Variants in ALK observed in about 807,000 individuals in gnomAD.
ALK encodes ALK receptor tyrosine kinase, also known as ALK tyrosine kinase receptor.
Under a neutral mutation model 163.1 loss-of-function variants are expected in ALK, and 74 were observed. That is an observed-to-expected ratio of 0.45 (90% CI 0.38 to 0.55). The LOEUF is 0.55. Ranked by LOEUF, ALK falls within the 20% of genes least tolerant of loss-of-function variation. The pLI is 0.00. For synonymous variants in ALK, 960 were observed against 843.2 expected, an observed-to-expected ratio of 1.14 and a Z score of -2.40; for missense variants, 2,063 against 2,105.3, an observed-to-expected ratio of 0.98 and a Z score of 0.39.
chr2:29,920,086 C>T lies in ALK; in HGVS notation c.574G>A (p.Glu192Lys), dbSNP rs770006984. The stretch of plus-strand genomic sequence containing the variant: ...CTGCCCACTTCCGACGCCTTCTTCT[C>T]GGGCATCAGGCGGATCCTCAGTCGC... ...EGRLRIRLMPEKKASEVGREG... is the reference protein window; with the variant it reads ...EGRLRIRLMPKKKASEVGREG... The change falls in exon 1 of 29, where the codon GAG (glutamate) becomes AAG (lysine). Residue 192 changes from glutamate to lysine, a missense_variant. By Grantham distance (56) the Glu-to-Lys change is moderately conservative. Transcript: ENST00000389048. The T allele has an allele frequency of 5.6e-6, 9 of 1,614,192 alleles. No individual in the cohort carries two copies. The highest frequency in any genetic ancestry group is 3.3e-5 in the Admixed American group (2 of 60,034).
intron 4 of ALK, among the ~76,000 whole-genome samples, chr2:29,487,747 A>G (rs747194641): frequency 5.3e-5 from 8 of 152,138 alleles, no homozygotes; most frequent in Non-Finnish European, 1.0e-4. Context: ...AGTATTAAAC[A>G]TTACTTCATT....
rs140461526 is a variant in ALK, at chr2:29,307,177, C to T, written c.1648-10120G>A. Among the ~76,000 whole-genome samples the T allele has an allele frequency of 1.3e-4, 20 of 152,332 alleles. 1 individual carries two copies. The East Asian group carries it at 3.5e-3, about 26-fold the overall frequency. ...GGCAGCTTCAGGACAATCCCTTCAA[C>T]CCACAGAAAATACTGTGTGTTCAAA... On this transcript the variant is annotated intron_variant, in intron 8 of 28. Transcript: ENST00000389048.
chr2:29,875,230 A>C (rs1666674287), intron 1 of ALK, among the ~76,000 whole-genome samples: 1 of 152,178 alleles, frequency 6.6e-6, no homozygotes, highest in South Asian at 2.1e-4. Flanking sequence ...TAGAGACAGA[A>C]AGTAGACTAG....
chr2:29,777,774 G>T (rs1054283921), intron 1 of ALK, among the ~76,000 whole-genome samples: 1 of 152,132 alleles, frequency 6.6e-6, no homozygotes, highest in African/African-American at 2.4e-5. Context: ...CCAAGATGAT[G>T]CTATTTCTGG....
intron 4 of ALK, among the ~76,000 whole-genome samples, chr2:29,439,956 G>T (rs924044998): frequency 7.9e-5 from 12 of 152,160 alleles, no homozygotes; most frequent in African/African-American, 2.7e-4. Flanking sequence ...CTTTGGCCGG[G>T]CATGGTGGCT....
At chr2:29,555,441 T>C (rs1270233626) in intron 3 of ALK, among the ~76,000 whole-genome samples, 1 of 152,072 alleles carries the variant, frequency 6.6e-6, no homozygotes, top group Non-Finnish European at 1.5e-5. Flanking sequence ...CATGGAAATA[T>C]GGGGATTAAA....
chr2:29,711,248 G>C (rs747083755), intron 2 of ALK, among the ~76,000 whole-genome samples: 10 of 152,130 alleles, frequency 6.6e-5, no homozygotes, highest in Non-Finnish European at 1.2e-4. Context: ...CACAGAGCTT[G>C]ACCTGTTCCC....
intron 5 of ALK, among the ~76,000 whole-genome samples, chr2:29,379,886 T>C (rs1459488776): frequency 6.6e-6 from 1 of 152,186 alleles, no homozygotes; most frequent in Non-Finnish European, 1.5e-5. Context: ...ACAGTAGTAT[T>C]GTGTTAGTCC....
chr2:29,620,421 C>T (rs562269067), intron 3 of ALK, among the ~76,000 whole-genome samples: 1 of 147,880 alleles, frequency 6.8e-6, no homozygotes, highest in Non-Finnish European at 1.5e-5. Flanking sequence ...TGGCAACAAC[C>T]CTATTTTCAA....
At chr2:29,297,106 C>T in intron 8 of ALK, 49 bp from the exon 9 acceptor site, 1 of 1,609,212 alleles carries the variant, frequency 6.2e-7, no homozygotes, top group Non-Finnish European at 8.5e-7. Context: ...GCTGAAAGGT[C>T]CCCTTTCTGG....
At chr2:29,709,426 A>T (rs1402113978) in intron 2 of ALK, among the ~76,000 whole-genome samples, 2 of 152,178 alleles carry the variant, frequency 1.3e-5, no homozygotes, top group Non-Finnish European at 2.9e-5. Context: ...TTGTCCCTGA[A>T]CTGCTGAGCA....
intron 1 of ALK, among the ~76,000 whole-genome samples, chr2:29,777,719 CAG>C (rs1681213608): frequency 6.6e-6 from 1 of 152,118 alleles, no homozygotes; most frequent in African/African-American, 2.4e-5. Flanking sequence ...GATTTGAACT[CAG>C]AATGTCTAGG....
At chr2:29,840,590 CTT>C (rs1665673150) in intron 1 of ALK, among the ~76,000 whole-genome samples, 1 of 152,128 alleles carries the variant, frequency 6.6e-6, no homozygotes, top group African/African-American at 2.4e-5. Flanking sequence ...TTCTATGTCT[CTT>C]TTCAAATGTG....
chr2:29,318,094 G>T (rs1666886499), intron 8 of ALK, among the ~76,000 whole-genome samples: 1 of 152,216 alleles, frequency 6.6e-6, no homozygotes, highest in African/African-American at 2.4e-5. Context: ...GTGCAGCTGG[G>T]TATGGCTGTT....
chr2:29,588,226 TTTTTTA>T (rs561261519), intron 3 of ALK, among the ~76,000 whole-genome samples: 5 of 151,846 alleles, frequency 3.3e-5, no homozygotes, highest in South Asian at 4.2e-4. Context: ...GAGAGAAAAA[TTTTTTA>T]TTTTTATTTT....
At chr2:29,585,343 T>C (rs2148201934) in intron 3 of ALK, among the ~76,000 whole-genome samples, 1 of 126,880 alleles carries the variant, frequency 7.9e-6, no homozygotes, top group South Asian at 2.4e-4. Context: ...ACTATTTTTT[T>C]GAGACAGAGT....
In ALK at chr2:29,369,256, A is replaced by G. The variant is rs192621431; in HGVS notation, c.1282+14476T>C. On this transcript the variant is annotated intron_variant, in intron 5 of 28. Coordinates refer to ENST00000389048, the MANE Select transcript of ALK (RefSeq NM_004304.5). ...TGCCCCTGAGGTCCTCTTTAGGATC[A>G]CCACATTCAAATGCCTCCTTGCTGG... Among the ~76,000 whole-genome samples, 10 of 152,112 alleles carry G rather than the reference A, an allele frequency of 6.6e-5. No individual in the cohort carries two copies. In the East Asian group the frequency reaches 1.9e-3, roughly 30 times the overall value.
At chr2:29,727,228 A>G (rs571355728) in intron 1 of ALK, among the ~76,000 whole-genome samples, 61 of 152,318 alleles carry the variant, frequency 4.0e-4, no homozygotes, top group Middle Eastern at 3.4e-3. Context: ...GGCTTGTCCA[A>G]GGGAAGATGC....
chr2:29,870,672 G>C (rs1666555494), intron 1 of ALK, among the ~76,000 whole-genome samples: 1 of 152,008 alleles, frequency 6.6e-6, no homozygotes, highest in African/African-American at 2.4e-5. Flanking sequence ...ATACAATTTT[G>C]AATAAATAAA....
Sources: gnomAD v4.1 joint callset for allele counts (sites outside exome capture counted in the v4.1 genomes callset) on GRCh38, gnomAD v4.1.1 for gene constraint, MANE v1.5 for transcripts, NCBI Gene and HGNC (gene_info 2026-07-23, HGNC 2026-07-21) for gene names.